NUP155: variants seen among roughly 807,000 people sequenced by gnomAD.
NUP155 encodes nucleoporin 155.
Under a neutral mutation model 180.4 loss-of-function variants are expected in NUP155, and 71 were observed. That is an observed-to-expected ratio of 0.39 (90% confidence interval 0.33 to 0.48). The LOEUF is 0.48. Ranked by LOEUF, NUP155 falls within the 20% of genes least tolerant of loss-of-function variation. NUP155 has a pLI of 0.91. For missense variants in NUP155, 1,553 were observed against 1,648.9 expected (o/e 0.94, Z 1.01); for synonymous variants, 582 against 559.5 (o/e 1.04, Z -0.57).
intron 4 of NUP155, among the ~76,000 whole-genome samples, chr5:37,357,122 T>TA (rs1008688263): frequency 2.0e-5 from 3 of 147,236 alleles, no homozygotes; most frequent in Non-Finnish European, 3.0e-5. Context: ...AGAAAAAGAC[T>TA]AAAAAAATGG....
At chr5:37,316,257 A>G (rs1201809737) in intron 21 of NUP155, among the ~76,000 whole-genome samples, 1 of 152,210 alleles carries the variant, frequency 6.6e-6, no homozygotes, top group Non-Finnish European at 1.5e-5. Flanking sequence ...AAAGGAAGGA[A>G]ATTCTGACAC....
chr5:37,360,844 G>A (rs185844237), intron 3 of NUP155, among the ~76,000 whole-genome samples: 12 of 151,892 alleles, frequency 7.9e-5, no homozygotes, highest in Non-Finnish European at 1.5e-4. Flanking sequence ...TTGAGACTCC[G>A]TCTCCCAAAA....
chr5:37,306,039 G>A (rs1743134732), intron 25 of NUP155, among the ~76,000 whole-genome samples: 1 of 152,120 alleles, frequency 6.6e-6, no homozygotes, highest in Non-Finnish European at 1.5e-5. Flanking sequence ...TTTTCAATAA[G>A]TTTGAGAAGT....
intron 24 of NUP155, among the ~76,000 whole-genome samples, chr5:37,308,079 T>C (rs1423976074): frequency 3.3e-5 from 5 of 151,866 alleles, no homozygotes; most frequent in Non-Finnish European, 5.9e-5. Flanking sequence ...CCTGTGCAAA[T>C]AGTTATGGCC....
At chr5:37,342,985 C>T (rs972322452) in intron 9 of NUP155, among the ~76,000 whole-genome samples, 22 of 152,146 alleles carry the variant, frequency 1.4e-4, no homozygotes, top group Admixed American at 6.6e-5. Context: ...GAGCGTGATC[C>T]GCCCGCCTCG....
intron 25 of NUP155, among the ~76,000 whole-genome samples, chr5:37,306,773 T>C (rs902045934): frequency 6.6e-6 from 1 of 152,060 alleles, no homozygotes; most frequent in Non-Finnish European, 1.5e-5. Context: ...CCTATATTTC[T>C]TTTAAGGACA....
intron 9 of NUP155, among the ~76,000 whole-genome samples, chr5:37,347,622 G>C (rs988534600): frequency 2.0e-5 from 3 of 150,736 alleles, no homozygotes; most frequent in African/African-American, 7.3e-5. Context: ...CTTGAACCCG[G>C]GAGACAGAGG....
chr5:37,290,218 C>A lies in NUP155; in HGVS notation c.*1682G>T, dbSNP rs1326482889. ...ATAGGCCAGGCACATTGGCTCACGTCTGTAATCTCAACACTTTGGGAGGTG... is the reference window on the plus strand; with the variant it reads ...ATAGGCCAGGCACATTGGCTCACGTATGTAATCTCAACACTTTGGGAGGTG... On this transcript the variant is annotated 3_prime_UTR_variant, in exon 35 of 35. Transcript: ENST00000231498. 2 of 152,212 alleles carry A rather than the reference C, an allele frequency of 1.3e-5. No individual in the cohort carries two copies. Among genetic ancestry groups the A allele is most frequent in the African/African-American group, 4.8e-5 (2 of 41,444 alleles). 9.4% of individuals were successfully genotyped at this position (152,212 alleles called of 1,614,324 possible).
In NUP155 at chr5:37,303,249, T is replaced by G. The variant is rs963173574; in HGVS notation, c.3317+11A>C. ...TGAATCATTCTTCACAATAAGAATA[T>G]TATGCCATACCTATGCATGTCAGCC... On this transcript the variant is annotated intron_variant, in intron 28 of 34. Coordinates refer to ENST00000231498, the MANE Select transcript of NUP155 (RefSeq NM_153485.3). The G allele has an allele frequency of 1.2e-6, 2 of 1,613,750 alleles. No homozygotes were observed. Among genetic ancestry groups the G allele is most frequent in the Non-Finnish European group, 1.7e-6 (2 of 1,179,656 alleles).
chr5:37,349,336 T>G, intron 7 of NUP155, 91 bp from the exon 8 acceptor site: 5 of 437,986 alleles, frequency 1.1e-5, no homozygotes. Flanking sequence ...AACTGTTGAA[T>G]CAGAACTTTG....
At chr5:37,318,123 G>T in intron 20 of NUP155, 38 bp from the exon 21 acceptor site, 1 of 1,070,152 alleles carries the variant, frequency 9.3e-7, no homozygotes, top group Non-Finnish European at 1.5e-6. Flanking sequence ...GTTTATAACA[G>T]CTTTATTGAG....
chr5:37,351,958 C>T (rs1347103264), intron 5 of NUP155, among the ~76,000 whole-genome samples: 1 of 152,034 alleles, frequency 6.6e-6, no homozygotes, highest in African/African-American at 2.4e-5. Context: ...TGCCGTGGCT[C>T]ATGCCTGTAA....
intron 34 of NUP155, 98 bp downstream of exon 34, chr5:37,292,781 C>T (rs183061436): frequency 1.9e-5 from 15 of 771,126 alleles, no homozygotes; most frequent in Middle Eastern, 7.5e-4. Flanking sequence ...TGCTAATATA[C>T]ACAAGAATCT....
intron 21 of NUP155, among the ~76,000 whole-genome samples, chr5:37,316,117 A>C (rs1743867143): frequency 6.6e-6 from 1 of 152,232 alleles, no homozygotes; most frequent in African/African-American, 2.4e-5. Flanking sequence ...CACCCATGTT[A>C]ATAGCAGCAT....
chr5:37,346,488 A>G (rs1746095373), intron 9 of NUP155, among the ~76,000 whole-genome samples: 2 of 152,066 alleles, frequency 1.3e-5, no homozygotes, highest in African/African-American at 2.4e-5. Flanking sequence ...CCTGGCCAAC[A>G]TGGTGAAGCC....
intron 25 of NUP155, among the ~76,000 whole-genome samples, chr5:37,307,064 G>T (rs1743197256): frequency 6.6e-6 from 1 of 151,786 alleles, no homozygotes; most frequent in African/African-American, 2.4e-5. Flanking sequence ...CAGGCGTGGT[G>T]GTGTGCACCT....
chr5:37,348,282 T>C (rs1746232574), intron 9 of NUP155, among the ~76,000 whole-genome samples: 1 of 151,776 alleles, frequency 6.6e-6, no homozygotes, highest in African/African-American at 2.4e-5. Context: ...CCAGCCTGGG[T>C]GACAGAGTGA....
Position 37,309,209 on chromosome 5 carries a change from A to G in NUP155, c.2687T>C (p.Met896Thr). The part of the protein sequence containing the change: ...QVQNKTEKER[M>T]LRESLKEYQK... ...ATATTCCTTTAATGATTCCCTTAAC[A>G]TTCTTTCTTTTTCAGTCTTATTTTG... Residue 896 changes from methionine to threonine, a missense_variant, in exon 24 of 35, where the codon ATG becomes ACG. Physicochemically the swap from Met to Thr is moderately conservative, Grantham distance 81 (BLOSUM62 -1). Transcript: ENST00000231498. 1.9e-6 allele frequency: 3 copies of G among 1,613,640 alleles called. No individual in the cohort carries two copies. Among genetic ancestry groups the G allele is most frequent in the Non-Finnish European group, 1.7e-6 (2 of 1,179,786 alleles).
At chr5:37,319,592 C>T (rs190556015) in intron 20 of NUP155, among the ~76,000 whole-genome samples, 32 of 152,156 alleles carry the variant, frequency 2.1e-4, no homozygotes, top group African/African-American at 6.5e-4. Flanking sequence ...GGGCTGAGTG[C>T]GGATGGCTCA....
Sources: allele counts gnomAD v4.1 joint callset (sites outside exome capture counted in the v4.1 genomes callset), GRCh38; gene constraint gnomAD v4.1.1; transcripts MANE v1.5; gene names NCBI Gene and HGNC (gene_info 2026-07-23, HGNC 2026-07-21).